The following GSTZ1 variants were observed in gnomAD, a reference collection of about 807,000 sequenced individuals.
The protein encoded by GSTZ1 is glutathione S-transferase zeta 1, also known as maleylacetoacetate isomerase.
A neutral mutation model predicts 35.9 loss-of-function variants in GSTZ1; 34 were observed. That is an observed-to-expected ratio of 0.95 (90% CI 0.72 to 1.26). The LOEUF (loss-of-function observed/expected upper bound fraction) is 1.26, where lower values mean the gene tolerates loss of function less well. Ranked by LOEUF, GSTZ1 falls within the 50% of genes most tolerant of loss-of-function variation. The pLI is 0.00. For synonymous variants in GSTZ1, 93 were observed against 101.2 expected, an observed-to-expected ratio of 0.92 and a Z score of 0.49; for missense variants, 263 against 271.7, an observed-to-expected ratio of 0.97 and a Z score of 0.23.
chr14:77,328,789 G>A (rs1394703637), intron 5 of GSTZ1: 1 of 360,238 alleles, frequency 2.8e-6, no homozygotes, highest in Non-Finnish European at 5.3e-6. Context: ...ATGCAAGGGA[G>A]AAGTGAGGGA....
intron 1 of GSTZ1, chr14:77,323,800 G>T (rs930923656): frequency 6.6e-6 from 1 of 152,188 alleles, no homozygotes; most frequent in African/African-American, 2.4e-5. Flanking sequence ...GTTTTTATGG[G>T]GACAGCCGAG....
At chr14:77,327,730 G>A in intron 4 of GSTZ1, 178 bp downstream of exon 4, 1 of 727,784 alleles carries the variant, frequency 1.4e-6, no homozygotes, top group Non-Finnish European at 2.4e-6. Context: ...TCAAGCACAT[G>A]GAGAACCAAG....
In GSTZ1 at chr14:77,330,448, G is replaced by A. The variant is rs577834389; in HGVS notation, c.524+89G>A. ...TGGCGAGATAGCATCTCATGCAGAC[G>A]CTTCGCCAACCAGCCAAGGAGCCCA... On this transcript the variant is annotated intron_variant, in intron 8 of 8. Transcript: ENST00000216465. 1.1e-3 allele frequency: 1,180 copies of A among 1,087,530 alleles called. 8 individuals carry two copies. In the African/African-American group the frequency reaches 0.016, roughly 15 times the overall value. 67.4% of individuals were successfully genotyped at this position (1,087,530 alleles called of 1,614,324 possible).
intron 1 of GSTZ1, chr14:77,323,850 T>C (rs892340270): frequency 5.3e-5 from 8 of 152,212 alleles, no homozygotes; most frequent in African/African-American, 9.7e-5. Context: ...GAAGGAGATA[T>C]GTACCAAAGC....
At chr14:77,321,515 T>C in intron 1 of GSTZ1, 1 of 1,345,176 alleles carries the variant, frequency 7.4e-7, no homozygotes, top group African/African-American at 1.5e-5. Context: ...GCCCCAAGCC[T>C]CCCAATTTCT....
At chr14:77,327,104 C>T (rs1035754892) in intron 3 of GSTZ1, 199 bp downstream of exon 3, 1 of 606,514 alleles carries the variant, frequency 1.6e-6, no homozygotes. Flanking sequence ...GGGCCCAGGT[C>T]CAGACTGTGT....
At chr14:77,323,998 G>C (rs1365374305) in intron 1 of GSTZ1, 1 of 154,606 alleles carries the variant, frequency 6.5e-6, no homozygotes, top group African/African-American at 2.4e-5. Flanking sequence ...TGCAGAGCTG[G>C]TTCCTGCACC....
rs569460981 is a variant in GSTZ1, at chr14:77,329,413, C to G, written c.421+212C>G. 5.0e-4 allele frequency: 302 copies of G among 602,868 alleles called. No homozygotes were observed. In the African/African-American group the frequency reaches 5.1e-3, roughly 10 times the overall value. 37.3% of individuals were successfully genotyped at this position (602,868 alleles called of 1,614,324 possible). A position where few individuals can be genotyped will look rare whatever the true frequency, so the allele number is the denominator to read the frequency against. ...GAACCTCGGTCCCTGAGCCCACAGC[C>G]CTTCATAGCTGGATGGCCCAACTTC... On this transcript the variant is annotated intron_variant, in intron 6 of 8. Transcript: ENST00000216465.
In GSTZ1 at chr14:77,327,985, C is replaced by T; in HGVS notation, c.290C>T (p.Ala97Val). 1 of 1,613,960 alleles carries T rather than the reference C, an allele frequency of 6.2e-7. No homozygotes were observed. The highest frequency in any genetic ancestry group is 8.5e-7 in the Non-Finnish European group (1 of 1,179,858). The stretch of plus-strand genomic sequence containing the variant: ...CTGCCTCAGGACCCAAAGAAGAGGG[C>T]CAGCGTGCGTATGATTTCTGACCTC... ...RLLPQDPKKR[A>V]SVRMISDLIA... The change falls in exon 5 of 9, where the codon GCC (alanine) becomes GTC (valine). Residue 97 changes from alanine to valine, a missense_variant. Ala to Val is a moderately conservative substitution (Grantham distance 64). Transcript: ENST00000216465.
At chr14:77,326,295 T>G (rs561037735) in intron 2 of GSTZ1, 1 of 152,434 alleles carries the variant, frequency 6.6e-6, no homozygotes, top group South Asian at 2.1e-4. Context: ...GAATCTCTAG[T>G]AAACAGCCCT....
rs1892040098 is a variant in GSTZ1 at position 77,322,111 on chromosome 14, G to A, written c.15+928G>A. ...TGGCACTAAGGAAGGTGGCACGTTA[G>A]ATGGGACTTTGCGTCACGTTAATAA... On this transcript the variant is annotated intron_variant, in intron 1 of 8. Transcript: ENST00000216465. Among the ~76,000 whole-genome samples the A allele has an allele frequency of 2.0e-5, 3 of 152,344 alleles. No homozygotes were observed. In the South Asian group the frequency reaches 6.2e-4, roughly 32 times the overall value.
chr14:77,328,390 T>C (rs769349066), intron 5 of GSTZ1: 9 of 254,056 alleles, frequency 3.5e-5, no homozygotes, highest in Non-Finnish European at 6.1e-5. Flanking sequence ...CTCAGTCATA[T>C]ACTGGGATAC....
intron 6 of GSTZ1, 112 bp downstream of exon 6, chr14:77,329,313 G>T: frequency 1.3e-6 from 1 of 780,004 alleles, no homozygotes; most frequent in Non-Finnish European, 2.3e-6. Context: ...GGGCCTGACA[G>T]TTGCATGGAT....
chr14:77,321,888 A>G (rs546674169), intron 1 of GSTZ1, among the ~76,000 whole-genome samples: 1 of 151,892 alleles, frequency 6.6e-6, no homozygotes, highest in South Asian at 2.1e-4. Flanking sequence ...GGCTCAAAAA[A>G]AAAAAAAAAA....
chr14:77,324,780 C>A, intron 1 of GSTZ1, 90 bp from the exon 2 acceptor site: 4 of 1,340,200 alleles, frequency 3.0e-6, no homozygotes, highest in South Asian at 1.2e-5. Flanking sequence ...GAGAGGAGGC[C>A]TGGCAGGACA....
intron 1 of GSTZ1, chr14:77,321,654 C>A (rs894702476): frequency 4.3e-5 from 21 of 491,824 alleles, no homozygotes; most frequent in South Asian, 1.4e-4. Context: ...GAGGCCGAGG[C>A]GGGCGGATCA....
At chr14:77,322,098 A>G (rs1354311886) in intron 1 of GSTZ1, among the ~76,000 whole-genome samples, 1 of 152,200 alleles carries the variant, frequency 6.6e-6, no homozygotes. Flanking sequence ...GCACTAAGGA[A>G]GGTGGCACGT....
At chr14:77,321,511 A>G (rs1173450516) in intron 1 of GSTZ1, 3 of 1,361,676 alleles carry the variant, frequency 2.2e-6, no homozygotes, top group South Asian at 1.4e-5. Flanking sequence ...CGTCGCCCCA[A>G]GCCTCCCAAT....
chr14:77,331,032 TG>T (rs1361155942), intron 8 of GSTZ1, 36 bp from the exon 9 acceptor site: 18 of 1,602,430 alleles, frequency 1.1e-5, no homozygotes, highest in African/African-American at 2.7e-5. Context: ...CCTGTGTCCC[TG>T]AAAACCTTAG....
Sources: allele counts gnomAD v4.1 joint callset (sites outside exome capture counted in the v4.1 genomes callset), GRCh38; gene constraint gnomAD v4.1.1; transcripts MANE v1.5; gene names NCBI Gene and HGNC (gene_info 2026-07-23, HGNC 2026-07-21).